CACNA2D1: variants seen among roughly 807,000 people sequenced by gnomAD.
CACNA2D1 encodes the protein voltage-dependent calcium channel subunit alpha-2/delta-1.
In CACNA2D1, 53 loss-of-function variants were observed where a neutral mutation model predicts 171.5. That is an observed-to-expected ratio of 0.31 (90% CI 0.25 to 0.39). The LOEUF (loss-of-function observed/expected upper bound fraction) is 0.39, where lower values mean the gene tolerates loss of function less well. Ranked by LOEUF, CACNA2D1 falls within the 10% of genes least tolerant of loss-of-function variation. The probability of loss-of-function intolerance (pLI) is 1.00; values close to 1 mark genes in which losing one functional copy is unlikely to be tolerated. For missense variants in CACNA2D1, 903 were observed against 1,299.8 expected, an observed-to-expected ratio of 0.69 and a Z score of 4.69; for synonymous variants, 442 against 443.1, an observed-to-expected ratio of 1.00 and a Z score of 0.03.
At chr7:82,008,574 A>C (rs149902877) in intron 15 of CACNA2D1, among the ~76,000 whole-genome samples, 1 of 152,238 alleles carries the variant, frequency 6.6e-6, no homozygotes, top group South Asian at 2.1e-4. Flanking sequence ...AATTTTAACC[A>C]TTTCATGTCA....
intron 12 of CACNA2D1, among the ~76,000 whole-genome samples, chr7:82,020,001 C>G (rs1800989676): frequency 6.6e-6 from 1 of 152,042 alleles, no homozygotes; most frequent in South Asian, 2.1e-4. Context: ...ACAAATACAT[C>G]AGAATCCAGA....
At chr7:82,314,083 C>T (rs531884069) in intron 3 of CACNA2D1, among the ~76,000 whole-genome samples, 17 of 152,150 alleles carry the variant, frequency 1.1e-4, no homozygotes, top group African/African-American at 4.1e-4. Context: ...ATAAATAATG[C>T]TTAAGCCATT....
At chr7:82,111,126 C>A (rs972745048) in intron 6 of CACNA2D1, among the ~76,000 whole-genome samples, 1 of 151,344 alleles carries the variant, frequency 6.6e-6, no homozygotes, top group African/African-American at 2.4e-5. Flanking sequence ...TATATTTTAA[C>A]ATACATATAT....
chr7:82,021,890 A>C (rs970004562), intron 12 of CACNA2D1, among the ~76,000 whole-genome samples: 1 of 151,986 alleles, frequency 6.6e-6, no homozygotes, highest in Non-Finnish European at 1.5e-5. Flanking sequence ...AGAGCAGCAG[A>C]AAAACCAGCA....
chr7:82,286,731 AAAAG>A (rs1482342935), intron 3 of CACNA2D1, among the ~76,000 whole-genome samples: 3 of 152,192 alleles, frequency 2.0e-5, no homozygotes, highest in Admixed American at 2.0e-4. Context: ...CTCACACAAA[AAAAG>A]AAAGAAAGCA....
At position 82,005,859 on chromosome 7, in the gene CACNA2D1, A is replaced by C; in HGVS notation, c.1441-20T>G. On this transcript the variant is annotated intron_variant, in intron 16 of 38. Transcript: ENST00000356860. ...CTGGTTCTATAATAAGAGGGCAAAA[A>C]ATGGCATTTTATGTCAAAAATTTAC... 6.7e-7 allele frequency: 1 copy of C among 1,492,118 alleles called. No individual in the cohort carries two copies. Among genetic ancestry groups the C allele is most frequent in the Non-Finnish European group, 9.4e-7 (1 of 1,068,936 alleles). 92.4% of individuals were successfully genotyped at this position (1,492,118 alleles called of 1,614,324 possible).
At chr7:82,212,528 T>A (rs76821291) in intron 3 of CACNA2D1, among the ~76,000 whole-genome samples, 1 of 152,186 alleles carries the variant, frequency 6.6e-6, no homozygotes, top group Non-Finnish European at 1.5e-5. Flanking sequence ...ATAGTTACTA[T>A]GTGCTATCTT....
At chr7:82,137,411 AG>A (rs1217729193) in intron 4 of CACNA2D1, among the ~76,000 whole-genome samples, 1 of 152,168 alleles carries the variant, frequency 6.6e-6, no homozygotes, top group Non-Finnish European at 1.5e-5. Flanking sequence ...TGTGTCTCTG[AG>A]GCTAGTTCTA....
chr7:82,097,996 C>T (rs1176750635), intron 6 of CACNA2D1, among the ~76,000 whole-genome samples: 1 of 152,066 alleles, frequency 6.6e-6, no homozygotes, highest in Non-Finnish European at 1.5e-5. Context: ...CATCTATAGT[C>T]CCAGCTACTT....
chr7:82,065,768 G>C (rs1807526266), intron 8 of CACNA2D1, among the ~76,000 whole-genome samples: 1 of 152,074 alleles, frequency 6.6e-6, no homozygotes, highest in Admixed American at 6.6e-5. Context: ...TCATGAATAT[G>C]TACTCAAAAG....
In CACNA2D1 at chr7:82,107,586, C is replaced by CTTTTTTTT. The variant is rs72498624; in HGVS notation, c.526+9450_526+9457dup. 8.8e-5 allele frequency among the ~76,000 whole-genome samples: 12 copies of CTTTTTTTT among 135,666 alleles called. 1 individual carries two copies. Among genetic ancestry groups the CTTTTTTTT allele is most frequent in the South Asian group, 7.2e-4 (3 of 4,180 alleles). The allele number at this position is 135,666 out of a possible 152,430, so 89.0% of individuals were successfully genotyped here. A position where few individuals can be genotyped will look rare whatever the true frequency, so the allele number is the denominator to read the frequency against. On this transcript the variant is annotated intron_variant, in intron 6 of 38. Coordinates refer to ENST00000356860, the MANE Select transcript of CACNA2D1 (RefSeq NM_000722.4). The stretch of plus-strand genomic sequence containing the variant: ...ATTTCACTATTACAATGAAAATAAA[C>CTTTTTTTT]TTTTTTTTTTTTTTTTTGAGACAGT...
chr7:81,961,874 T>C lies in CACNA2D1; in HGVS notation c.2966+20A>G. On this transcript the variant is annotated intron_variant, in intron 36 of 38. Transcript: ENST00000356860. Reference sequence around the variant, plus strand: ...CAATTTCTTAATGAAATAGGACTACTCCTGAAATAAATAAATTACCTGGAA... The same window carrying C: ...CAATTTCTTAATGAAATAGGACTACCCCTGAAATAAATAAATTACCTGGAA... 6.4e-7 allele frequency: 1 copy of C among 1,565,286 alleles called. No homozygotes were observed. The highest frequency in any genetic ancestry group is 1.7e-4 in the Middle Eastern group (1 of 5,914).
chr7:82,172,447 G>C (rs530403472), intron 3 of CACNA2D1, among the ~76,000 whole-genome samples: 1 of 145,330 alleles, frequency 6.9e-6, no homozygotes, highest in African/African-American at 2.7e-5. Context: ...AAGCATGAAG[G>C]CTTTTTCTTT....
At chr7:82,133,917 CA>C (rs1232730366) in intron 5 of CACNA2D1, among the ~76,000 whole-genome samples, 9 of 151,646 alleles carry the variant, frequency 5.9e-5, no homozygotes, top group Admixed American at 6.6e-5. Flanking sequence ...CTAAAAAATA[CA>C]AAAAATTAGC....
intron 10 of CACNA2D1, among the ~76,000 whole-genome samples, chr7:82,041,551 C>A (rs949602534): frequency 6.6e-6 from 1 of 152,092 alleles, no homozygotes; most frequent in Non-Finnish European, 1.5e-5. Context: ...ATAGTAAGTC[C>A]TTTTTCATGT....
chr7:82,241,437 T>G (rs1028441571), intron 3 of CACNA2D1, among the ~76,000 whole-genome samples: 2 of 152,212 alleles, frequency 1.3e-5, no homozygotes, highest in African/African-American at 4.8e-5. Context: ...AATTGCTTTT[T>G]CAGACCTGCT....
intron 7 of CACNA2D1, among the ~76,000 whole-genome samples, chr7:82,082,894 T>C (rs1178546343): frequency 2.0e-5 from 3 of 152,010 alleles, no homozygotes; most frequent in Non-Finnish European, 4.4e-5. Context: ...AATTACAGAA[T>C]ATGTTTTATT....
intron 4 of CACNA2D1, among the ~76,000 whole-genome samples, chr7:82,142,967 T>C (rs533915440): frequency 8.9e-4 from 135 of 152,256 alleles, no homozygotes; most frequent in Non-Finnish European, 1.7e-3. Context: ...GTACCTGGGA[T>C]GAGTTCAACC....
At chr7:82,141,610 T>C (rs751179161) in intron 4 of CACNA2D1, among the ~76,000 whole-genome samples, 2 of 152,206 alleles carry the variant, frequency 1.3e-5, no homozygotes, top group Non-Finnish European at 2.9e-5. Context: ...GAATAATATC[T>C]ACACCCTGAC....
Sources: allele counts gnomAD v4.1 joint callset (sites outside exome capture counted in the v4.1 genomes callset), GRCh38; gene constraint gnomAD v4.1.1; transcripts MANE v1.5; gene names NCBI Gene and HGNC (gene_info 2026-07-23, HGNC 2026-07-21).